TEN1: variants seen among roughly 807,000 people sequenced by gnomAD.
TEN1 encodes the protein TEN1 subunit of CST complex.
Under a neutral mutation model 9.3 loss-of-function variants are expected in TEN1, and 6 were observed. The ratio of observed to expected loss-of-function variants is 0.65; its 90% CI spans 0.35 to 1.27. TEN1 has a LOEUF of 1.27. Among genes scored for constraint, TEN1 ranks in the 50% most tolerant of loss-of-function variants. The probability of loss-of-function intolerance (pLI) is 0.03; values close to 1 mark genes in which losing one functional copy is unlikely to be tolerated. For missense variants in TEN1, 149 were observed against 158.2 expected, an observed-to-expected ratio of 0.94 and a Z score of 0.31; for synonymous variants, 65 against 65.6, an observed-to-expected ratio of 0.99 and a Z score of 0.04.
rs562766425 is a variant in TEN1, at chr17:75,982,105, G to T, written c.-7+2594G>T. 9.2e-5 allele frequency among the ~76,000 whole-genome samples: 14 copies of T among 152,162 alleles called. 1 individual carries two copies. The South Asian group carries it at 2.9e-3, about 32-fold the overall frequency. On this transcript the variant is annotated intron_variant, in intron 1 of 3. Transcript: ENST00000397640. ...TTTTGGTGTAAAAACTGGCCAAAAA[G>T]AAATTATCTGACCTAGCTTGTTTGA...
At chr17:75,999,853 C>T (rs544817204) in intron 3 of TEN1, among the ~76,000 whole-genome samples, 4 of 152,148 alleles carry the variant, frequency 2.6e-5, no homozygotes, top group South Asian at 2.1e-4. Flanking sequence ...CTCTTTTCCC[C>T]GGTTCCTGAT....
chr17:75,981,601 T>TTG (rs2066120515), intron 1 of TEN1, among the ~76,000 whole-genome samples: 1 of 151,730 alleles, frequency 6.6e-6, no homozygotes, highest in African/African-American at 2.4e-5. Flanking sequence ...AAGTTGTTTT[T>TTG]TTTTTTTTTT....
chr17:75,983,827 G>T (rs181217824), intron 1 of TEN1, among the ~76,000 whole-genome samples: 15 of 152,226 alleles, frequency 9.9e-5, no homozygotes, highest in African/African-American at 3.6e-4. Flanking sequence ...GAGGGGGGCC[G>T]CAGGAGTGGT....
intron 2 of TEN1, among the ~76,000 whole-genome samples, chr17:75,988,662 T>G (rs1199274825): frequency 1.3e-5 from 2 of 152,082 alleles, no homozygotes; most frequent in African/African-American, 4.8e-5. Context: ...TTTATTTACT[T>G]AGCTGTGTAT....
In TEN1 at chr17:75,989,756, A is replaced by G. The variant is rs565062531; in HGVS notation, c.93-1710A>G. Among the ~76,000 whole-genome samples the G allele has an allele frequency of 5.3e-5, 8 of 151,600 alleles. No homozygotes were observed. The South Asian group carries it at 1.7e-3, about 32-fold the overall frequency. ...GACATCAAGATAATTCAGTAGGGAA[A>G]GCATAGTCCTTTCAACAAGTGGAAC... On this transcript the variant is annotated intron_variant, in intron 2 of 3. Coordinates refer to ENST00000397640, the MANE Select transcript of TEN1 (RefSeq NM_001113324.3).
At chr17:75,989,025 C>T (rs980204169) in intron 2 of TEN1, among the ~76,000 whole-genome samples, 24 of 152,148 alleles carry the variant, frequency 1.6e-4, no homozygotes, top group Non-Finnish European at 3.2e-4. Flanking sequence ...CCCGCCTCGG[C>T]CCCCCAAAGT....
chr17:75,996,722 AAG>A (rs1555622100), intron 3 of TEN1, among the ~76,000 whole-genome samples: 1 of 141,526 alleles, frequency 7.1e-6, no homozygotes, highest in South Asian at 2.1e-4. Context: ...AAAAAAAAAA[AAG>A]AGAGAGAGAA....
intron 1 of TEN1, among the ~76,000 whole-genome samples, chr17:75,980,824 C>T (rs906654430): frequency 1.3e-5 from 2 of 152,214 alleles, no homozygotes; most frequent in African/African-American, 2.4e-5. Flanking sequence ...ATAATACACA[C>T]TCTTAACCCC....
At chr17:75,989,056 C>T (rs74894998) in intron 2 of TEN1, among the ~76,000 whole-genome samples, 32,347 of 151,860 alleles carry the variant, frequency 0.21, 3,557 homozygotes, top group Middle Eastern at 0.28. Flanking sequence ...CAGGCGTGAG[C>T]CACCACGCCC....
At chr17:75,997,365 C>A (rs568425553) in intron 3 of TEN1, among the ~76,000 whole-genome samples, 1 of 152,106 alleles carries the variant, frequency 6.6e-6, no homozygotes, top group African/African-American at 2.4e-5. Context: ...CCCTCCCCGG[C>A]GCCACCACAG....
At chr17:75,991,149 C>A (rs1313870079) in intron 2 of TEN1, among the ~76,000 whole-genome samples, 477 of 70,030 alleles carry the variant, frequency 6.8e-3, no homozygotes, top group South Asian at 0.011. Flanking sequence ...GACTCCATCT[C>A]AAAAAAAAAA....
intron 1 of TEN1, 57 bp from the exon 2 acceptor site, chr17:75,986,130 G>T: frequency 7.6e-7 from 1 of 1,317,546 alleles, no homozygotes. Context: ...TCTCTGTTTT[G>T]TAGTCTATCC....
chr17:75,986,104 C>T, intron 1 of TEN1, 83 bp from the exon 2 acceptor site: 1 of 1,092,302 alleles, frequency 9.2e-7, no homozygotes, highest in South Asian at 1.8e-5. Flanking sequence ...TGCTGTTGGT[C>T]TCATATATCT....
At chr17:75,989,679 C>T (rs1216011730) in intron 2 of TEN1, among the ~76,000 whole-genome samples, 1 of 152,056 alleles carries the variant, frequency 6.6e-6, no homozygotes, top group East Asian at 1.9e-4. Flanking sequence ...TACCAAAGTG[C>T]TGGGATTACA....
chr17:75,994,175 C>T (rs1390715675), intron 3 of TEN1, among the ~76,000 whole-genome samples: 1 of 151,948 alleles, frequency 6.6e-6, no homozygotes, highest in Non-Finnish European at 1.5e-5. Flanking sequence ...TGGCTCACAC[C>T]TGTAATCCTA....
At chr17:75,985,760 G>A (rs1214420833) in intron 1 of TEN1, among the ~76,000 whole-genome samples, 1 of 151,612 alleles carries the variant, frequency 6.6e-6, no homozygotes, top group Non-Finnish European at 1.5e-5. Context: ...CTGACCTCAG[G>A]TGATCCGCCC....
intron 3 of TEN1, among the ~76,000 whole-genome samples, chr17:75,999,024 A>G (rs2066235393): frequency 1.3e-5 from 2 of 151,842 alleles, no homozygotes; most frequent in Non-Finnish European, 2.9e-5. Flanking sequence ...TTTCTCTTGC[A>G]AGCTATGACT....
intron 2 of TEN1, among the ~76,000 whole-genome samples, chr17:75,987,603 C>T (rs4561495): frequency 0.24 from 36,477 of 152,006 alleles, 7,878 homozygotes; most frequent in African/African-American, 0.58. Flanking sequence ...CTTAGAGACA[C>T]GTGTACATAC....
intron 3 of TEN1, among the ~76,000 whole-genome samples, chr17:75,996,759 A>G (rs1567899264): frequency 6.6e-6 from 1 of 151,824 alleles, no homozygotes; most frequent in Admixed American, 6.6e-5. Context: ...AGAAAAGAAA[A>G]GAAAGAGAAA....
Sources: gnomAD v4.1 joint callset for allele counts (sites outside exome capture counted in the v4.1 genomes callset) on GRCh38, gnomAD v4.1.1 for gene constraint, MANE v1.5 for transcripts, NCBI Gene and HGNC (gene_info 2026-07-23, HGNC 2026-07-21) for gene names.